Variants in ADAMTS2 observed in about 807,000 individuals in gnomAD.
The protein encoded by ADAMTS2 is A disintegrin and metalloproteinase with thrombospondin motifs 2.
Under a neutral mutation model 123.0 loss-of-function variants are expected in ADAMTS2, and 50 were observed. The ratio of observed to expected loss-of-function variants is 0.41; its 90% CI spans 0.32 to 0.51. ADAMTS2 has a LOEUF of 0.51. Among genes scored for constraint, ADAMTS2 ranks in the 20% least tolerant of loss-of-function variants. The pLI, the probability that ADAMTS2 is intolerant of heterozygous loss-of-function variation, is 0.35. For missense variants in ADAMTS2, 1,494 were observed against 1,705.2 expected, an observed-to-expected ratio of 0.88 and a Z score of 2.18; for synonymous variants, 678 against 695.4, an observed-to-expected ratio of 0.98 and a Z score of 0.39.
rs1764145321 is a variant in ADAMTS2, at chr5:179,185,369, G to C, written c.892-4214C>G. 6.6e-6 allele frequency among the ~76,000 whole-genome samples: 1 copy of C among 152,194 alleles called. No homozygotes were observed. Among genetic ancestry groups the C allele is most frequent in the Non-Finnish European group, 1.5e-5 (1 of 68,020 alleles). ...GGAATAGGGGTCATCTGCCCCGCCT[G>C]AGCAGGGAGAGGCTGGGGCTCTGGA... On this transcript the variant is annotated intron_variant, in intron 4 of 21. Transcript: ENST00000251582. The surrounding 1 kb of genome is among the most constrained non-coding windows in gnomAD (Gnocchi z 5.9).
chr5:179,263,460 A>G (rs1018147458), intron 3 of ADAMTS2, among the ~76,000 whole-genome samples: 1 of 152,216 alleles, frequency 6.6e-6, no homozygotes, highest in Non-Finnish European at 1.5e-5. Context: ...CCTTTTCCCA[A>G]CCAGACCAGC....
chr5:179,142,930 G>A (rs1041353679), intron 10 of ADAMTS2, among the ~76,000 whole-genome samples: 2 of 152,218 alleles, frequency 1.3e-5, no homozygotes, highest in Non-Finnish European at 2.9e-5. Context: ...AAACAGGAAA[G>A]TGTGACCCAT....
chr5:179,133,844 G>T (rs772962675), intron 13 of ADAMTS2, among the ~76,000 whole-genome samples: 1 of 151,004 alleles, frequency 6.6e-6, no homozygotes, highest in African/African-American at 2.4e-5. Context: ...TCAGCCTCCC[G>T]AGTCGCTGCC....
chr5:179,226,797 A>G (rs1765301485), intron 3 of ADAMTS2, among the ~76,000 whole-genome samples: 1 of 152,238 alleles, frequency 6.6e-6, no homozygotes, highest in South Asian at 2.1e-4. Context: ...TCCTCATACA[A>G]GTAGCCAAGG....
Position 179,122,770 on chromosome 5 carries a change from A to G in ADAMTS2, c.2962T>C (p.Ser988Pro). 1 of 1,555,576 alleles carries G rather than the reference A, an allele frequency of 6.4e-7. No homozygotes were observed. The highest frequency in any genetic ancestry group is 8.7e-7 in the Non-Finnish European group (1 of 1,150,036). The part of the protein sequence containing the change: ...RWRAGPWSQC[S>P]VTCGNGTQER... Reference sequence around the variant, plus strand: ...TGGGTGCCGTTGCCACAGGTTACTGAGCACTGCAGGGGGAGAGTCGCCAGG... The same window carrying G: ...TGGGTGCCGTTGCCACAGGTTACTGGGCACTGCAGGGGGAGAGTCGCCAGG... The change falls in exon 20 of 22, where the codon TCA becomes CCA. Residue 988 changes from serine to proline, a missense_variant. Coordinates refer to ENST00000251582, the MANE Select transcript of ADAMTS2 (RefSeq NM_014244.5).
chr5:179,303,861 G>A lies in ADAMTS2; in HGVS notation c.535-30797C>T, dbSNP rs1246856023. On this transcript the variant is annotated intron_variant, in intron 2 of 21. Coordinates refer to ENST00000251582, the MANE Select transcript of ADAMTS2 (RefSeq NM_014244.5). This position sits in a 1 kb window ranked among gnomAD's most constrained non-coding sequence, Gnocchi z 4.7. ...AGGGTCAATAAAGCCCCAGCTTTCT[G>A]GCCAGAGAGATTTAACAAGGAGCCG... Among the ~76,000 whole-genome samples the A allele has an allele frequency of 2.0e-5, 3 of 152,222 alleles. No homozygotes were observed. Among genetic ancestry groups the A allele is most frequent in the African/African-American group, 7.2e-5 (3 of 41,454 alleles).
rs1325941215 is a variant in ADAMTS2 at position 179,225,676 on chromosome 5, C to T, written c.689-17961G>A. Among the ~76,000 whole-genome samples the T allele has an allele frequency of 2.6e-5, 4 of 152,170 alleles. No individual in the cohort carries two copies. The highest frequency in any genetic ancestry group is 4.4e-5 in the Non-Finnish European group (3 of 68,028). On this transcript the variant is annotated intron_variant, in intron 3 of 21. Transcript: ENST00000251582. This position sits in a 1 kb window ranked among gnomAD's most constrained non-coding sequence, Gnocchi z 4.5. ...GAAGCAGAACGACACGGAGTTTGGC[C>T]GGGGCAGTCAGAGGAGAGCCCAGGC... is the stretch of plus-strand genomic sequence containing the variant.
At chr5:179,318,527 G>A (rs1361795788) in intron 2 of ADAMTS2, among the ~76,000 whole-genome samples, 1 of 152,212 alleles carries the variant, frequency 6.6e-6, no homozygotes, top group Non-Finnish European at 1.5e-5. Context: ...GAAGGCTGGT[G>A]GGGAAGAAGC....
chr5:179,203,444 G>A (rs252061), intron 4 of ADAMTS2, among the ~76,000 whole-genome samples: 16,337 of 152,250 alleles, frequency 0.11, 1,381 homozygotes, highest in East Asian at 0.43. Flanking sequence ...CTCCAGCCAC[G>A]GGGAGCCCTG....
At chr5:179,325,519 C>T (rs1339400388) in intron 2 of ADAMTS2, among the ~76,000 whole-genome samples, 1 of 152,262 alleles carries the variant, frequency 6.6e-6, no homozygotes, top group African/African-American at 2.4e-5. Flanking sequence ...GACGCCAGCC[C>T]TGGAGCCACA....
intron 10 of ADAMTS2, chr5:179,150,885 T>C (rs557687731): frequency 6.4e-6 from 1 of 156,634 alleles, no homozygotes; most frequent in African/African-American, 2.4e-5. Flanking sequence ...TGCCACCGAA[T>C]GGTGCACTTC....
intron 2 of ADAMTS2, among the ~76,000 whole-genome samples, chr5:179,331,315 GGAGAA>G (rs1757469318): frequency 7.4e-6 from 1 of 135,004 alleles, no homozygotes; most frequent in Admixed American, 7.6e-5. Flanking sequence ...GGGAGATGAG[GGAGAA>G]GAGAAGGGAG....
chr5:179,281,685 T>A (rs1280426246), intron 2 of ADAMTS2, among the ~76,000 whole-genome samples: 1 of 152,220 alleles, frequency 6.6e-6, no homozygotes, highest in African/African-American at 2.4e-5. Context: ...TGTGTTTTCA[T>A]TCCTCTCAAA....
intron 4 of ADAMTS2, among the ~76,000 whole-genome samples, chr5:179,201,080 A>G (rs1472861025): frequency 2.0e-5 from 3 of 152,382 alleles, no homozygotes; most frequent in Admixed American, 6.5e-5. Flanking sequence ...TTGTAATTAA[A>G]TTACCACTGC....
chr5:179,221,419 TCACC>T (rs1765122948), intron 3 of ADAMTS2, among the ~76,000 whole-genome samples: 1 of 152,074 alleles, frequency 6.6e-6, no homozygotes, highest in African/African-American at 2.4e-5. Flanking sequence ...CTTGCTGCCA[TCACC>T]CACCATGACC....
rs750003817 is a variant in ADAMTS2, at chr5:179,308,037, G to A, written c.535-34973C>T. On this transcript the variant is annotated intron_variant, in intron 2 of 21. Coordinates refer to ENST00000251582, the MANE Select transcript of ADAMTS2 (RefSeq NM_014244.5). The surrounding 1 kb of genome is among the most constrained non-coding windows in gnomAD (Gnocchi z 6.6). ...ATGGAGTTGAGTACGGGAGGTCGCC[G>A]GCCCTCCCGAGGCTCCCTTCCCCTA... is the stretch of plus-strand genomic sequence containing the variant. 2.6e-5 allele frequency among the ~76,000 whole-genome samples: 4 copies of A among 152,102 alleles called. No individual in the cohort carries two copies. The highest frequency in any genetic ancestry group is 1.3e-4 in the Admixed American group (2 of 15,274).
At chr5:179,139,127 G>A (rs573702112) in intron 11 of ADAMTS2, among the ~76,000 whole-genome samples, 5 of 152,330 alleles carry the variant, frequency 3.3e-5, no homozygotes, top group Admixed American at 2.0e-4. Context: ...AGCCCGCTGC[G>A]CAGGTGGGAG....
chr5:179,245,928 A>G (rs1765794376), intron 3 of ADAMTS2, among the ~76,000 whole-genome samples: 1 of 152,176 alleles, frequency 6.6e-6, no homozygotes, highest in Admixed American at 6.5e-5. Flanking sequence ...GACATCACCA[A>G]AGTGACAGAA....
chr5:179,160,683 G>A (rs1055995800), intron 5 of ADAMTS2, among the ~76,000 whole-genome samples: 28 of 152,172 alleles, frequency 1.8e-4, no homozygotes, highest in East Asian at 1.9e-4. Flanking sequence ...CATGAGTCCC[G>A]ATGAAATAAG....
Sources: allele counts gnomAD v4.1 joint callset (sites outside exome capture counted in the v4.1 genomes callset), GRCh38; gene constraint gnomAD v4.1.1; non-coding constraint Gnocchi (gnomAD v3.1); transcripts MANE v1.5; gene names NCBI Gene and HGNC (gene_info 2026-07-23, HGNC 2026-07-21).